Variants in GALNT13 observed in about 807,000 individuals in gnomAD.
The protein encoded by GALNT13 is polypeptide N-acetylgalactosaminyltransferase 13.
Under a neutral mutation model 64.2 loss-of-function variants are expected in GALNT13, and 28 were observed. The ratio of observed to expected loss-of-function variants is 0.44; its 90% CI spans 0.32 to 0.60. GALNT13 has a LOEUF of 0.60. GALNT13 is among the 20% of genes least tolerant of loss of function. The pLI is 0.05. For synonymous variants in GALNT13, 214 were observed against 224.6 expected (o/e 0.95, Z 0.42); for missense variants, 577 against 669.8 (o/e 0.86, Z 1.53).
chr2:153,111,605 C>T, the GALNT13 span, among the ~76,000 whole-genome samples: 220 of 152,168 alleles, frequency 1.4e-3, no homozygotes, highest in African/African-American at 5.2e-3. Flanking sequence ...ATTCCCAACA[C>T]GAATAATTCT....
chr2:153,249,192 C>A, the GALNT13 span, among the ~76,000 whole-genome samples: 2 of 152,170 alleles, frequency 1.3e-5, no homozygotes, highest in Admixed American at 6.5e-5. Flanking sequence ...TTTCAGGATG[C>A]AAAATCAATG....
the GALNT13 span, among the ~76,000 whole-genome samples, chr2:153,456,205 A>T: frequency 6.6e-6 from 1 of 152,230 alleles, no homozygotes; most frequent in Non-Finnish European, 1.5e-5. Flanking sequence ...CCACGATTTC[A>T]GGCTTTTTGG....
chr2:153,664,244 C>T, the GALNT13 span, among the ~76,000 whole-genome samples: 3 of 152,086 alleles, frequency 2.0e-5, no homozygotes, highest in Admixed American at 6.6e-5. Context: ...CCAGAGTGGC[C>T]GTTCATATAC....
intron 3 of GALNT13, among the ~76,000 whole-genome samples, chr2:154,115,344 G>A (rs1703234287): frequency 6.6e-6 from 1 of 152,006 alleles, no homozygotes; most frequent in Admixed American, 6.6e-5. Flanking sequence ...GGGTACATGT[G>A]CACAATGTGC....
chr2:153,251,975 G>A, the GALNT13 span, among the ~76,000 whole-genome samples: 1 of 151,606 alleles, frequency 6.6e-6, no homozygotes, highest in Admixed American at 6.6e-5. Context: ...TAGTCCTTTG[G>A]GTATATACCC....
chr2:153,780,228 T>TC, the GALNT13 span, among the ~76,000 whole-genome samples: 3 of 8,634 alleles, frequency 3.5e-4, no homozygotes, highest in Admixed American at 5.9e-3. Flanking sequence ...TATATATATA[T>TC]ATATATATAT....
the GALNT13 span, among the ~76,000 whole-genome samples, chr2:153,713,763 C>T: frequency 4.5e-4 from 69 of 152,284 alleles, no homozygotes; most frequent in East Asian, 0.011. Flanking sequence ...GGATTACAGG[C>T]GTGAGCCACT....
At chr2:153,942,562 A>G (rs959280660) in intron 2 of GALNT13, among the ~76,000 whole-genome samples, 2 of 152,142 alleles carry the variant, frequency 1.3e-5, no homozygotes, top group African/African-American at 4.8e-5. Context: ...CTGATTTCCA[A>G]TATTTAGCTA....
chr2:153,956,258 T>C (rs1011741042), intron 3 of GALNT13, among the ~76,000 whole-genome samples: 2 of 152,108 alleles, frequency 1.3e-5, no homozygotes, highest in Non-Finnish European at 2.9e-5. Flanking sequence ...ACAAAAAAAC[T>C]AATGGAGAGA....
chr2:154,307,346 A>C (rs2105115583), intron 9 of GALNT13, among the ~76,000 whole-genome samples: 1 of 152,326 alleles, frequency 6.6e-6, no homozygotes, highest in African/African-American at 2.4e-5. Flanking sequence ...AACCAAAATA[A>C]GGTTACTTTT....
At chr2:154,298,379 C>T (rs568936418) in intron 8 of GALNT13, among the ~76,000 whole-genome samples, 1 of 118,054 alleles carries the variant, frequency 8.5e-6, no homozygotes, top group South Asian at 2.6e-4. Flanking sequence ...CACTAAATTA[C>T]ATAAATATAA....
the GALNT13 span, among the ~76,000 whole-genome samples, chr2:153,841,580 G>T: frequency 6.6e-6 from 1 of 152,078 alleles, no homozygotes; most frequent in Non-Finnish European, 1.5e-5. Flanking sequence ...CATAGCAAGT[G>T]GTCAAACCAG....
chr2:154,088,066 C>T (rs1382821185), intron 3 of GALNT13, among the ~76,000 whole-genome samples: 1 of 152,016 alleles, frequency 6.6e-6, no homozygotes, highest in African/African-American at 2.4e-5. Flanking sequence ...TCTAAACAGA[C>T]CGCTACAATA....
intron 9 of GALNT13, among the ~76,000 whole-genome samples, chr2:154,395,387 T>C (rs1341344268): frequency 6.6e-6 from 1 of 152,184 alleles, no homozygotes; most frequent in African/African-American, 2.4e-5. Flanking sequence ...TGAATATATT[T>C]CTGTTCATTT....
the GALNT13 span, among the ~76,000 whole-genome samples, chr2:153,791,493 C>G: frequency 1.3e-5 from 2 of 152,044 alleles, no homozygotes; most frequent in Non-Finnish European, 2.9e-5. Context: ...TGTAAATTTC[C>G]TCAACCATTG....
At chr2:153,506,833 T>G in the GALNT13 span, among the ~76,000 whole-genome samples, 2 of 152,232 alleles carry the variant, frequency 1.3e-5, no homozygotes, top group Non-Finnish European at 2.9e-5. Context: ...ATGAACTTTT[T>G]GTGATGAATT....
At chr2:153,989,965 C>A (rs1308824012) in intron 3 of GALNT13, among the ~76,000 whole-genome samples, 1 of 151,966 alleles carries the variant, frequency 6.6e-6, no homozygotes, top group Non-Finnish European at 1.5e-5. Context: ...AAAGGATCAA[C>A]AACATATGAC....
chr2:154,211,649 A>T (rs1468204002), intron 4 of GALNT13, among the ~76,000 whole-genome samples: 4 of 149,518 alleles, frequency 2.7e-5, no homozygotes, highest in African/African-American at 9.8e-5. Flanking sequence ...AAAAAAAAAA[A>T]AAAAAAGAAA....
intron 9 of GALNT13, among the ~76,000 whole-genome samples, chr2:154,376,853 T>C (rs940814976): frequency 2.0e-5 from 3 of 152,110 alleles, no homozygotes; most frequent in Admixed American, 6.6e-5. Context: ...ATAGTAAATA[T>C]CTAAGGATTT....
Sources: allele counts gnomAD v4.1 joint callset (sites outside exome capture counted in the v4.1 genomes callset), GRCh38; gene constraint gnomAD v4.1.1; transcripts MANE v1.5; gene names NCBI Gene and HGNC (gene_info 2026-07-23, HGNC 2026-07-21).